The following AJAP1 variants were observed in gnomAD, a reference collection of about 807,000 sequenced individuals.
The protein encoded by AJAP1 is adherens junctions associated protein 1.
A neutral mutation model predicts 35.0 loss-of-function variants in AJAP1; 5 were observed. The ratio of observed to expected loss-of-function variants is 0.14; its 90% confidence interval spans 0.07 to 0.30. The LOEUF (loss-of-function observed/expected upper bound fraction) is 0.30. Ranked by LOEUF, AJAP1 falls within the 10% of genes least tolerant of loss-of-function variation. AJAP1 has a pLI of 1.00. For missense variants in AJAP1, 586 were observed against 571.0 expected (o/e 1.03, Z -0.27); for synonymous variants, 284 against 249.3 (o/e 1.14, Z -1.31).
chr1:4,754,509 C>T (rs1228236251), intron 2 of AJAP1, among the ~76,000 whole-genome samples: 1 of 152,166 alleles, frequency 6.6e-6, no homozygotes, highest in African/African-American at 2.4e-5. Flanking sequence ...CTTGACAGTC[C>T]CAATCTCCAT....
At chr1:4,667,707 A>G (rs2100512236) in intron 1 of AJAP1, among the ~76,000 whole-genome samples, 2 of 152,272 alleles carry the variant, frequency 1.3e-5, no homozygotes, top group East Asian at 3.9e-4. Flanking sequence ...GTACTGGTTC[A>G]TGGCCCAGGG....
rs563773005 is a variant in AJAP1 at position 4,736,692 on chromosome 1, T to G, written c.829+23993T>G. On this transcript the variant is annotated intron_variant, in intron 2 of 5. Transcript: ENST00000378191. ...CACACGGCAGAGCAATTTGCACACG[T>G]AGGGAGTTCAATATGTATTTATTGA... 2.0e-5 allele frequency among the ~76,000 whole-genome samples: 3 copies of G among 152,302 alleles called. No individual in the cohort carries two copies. In the South Asian group the frequency reaches 6.2e-4, roughly 32 times the overall value.
At chr1:4,774,003 A>G (rs1302867408) in intron 4 of AJAP1, among the ~76,000 whole-genome samples, 1 of 152,214 alleles carries the variant, frequency 6.6e-6, no homozygotes, top group African/African-American at 2.4e-5. Context: ...CTTAGTCTCA[A>G]AGGTGACAAA....
intron 1 of AJAP1, among the ~76,000 whole-genome samples, chr1:4,700,191 G>A (rs1639954528): frequency 6.6e-6 from 1 of 152,140 alleles, no homozygotes; most frequent in South Asian, 2.1e-4. Flanking sequence ...CCTCATCACC[G>A]GGCCAGCCTG....
At chr1:4,675,546 A>G (rs1219972230) in intron 1 of AJAP1, among the ~76,000 whole-genome samples, 1 of 152,180 alleles carries the variant, frequency 6.6e-6, no homozygotes, top group Non-Finnish European at 1.5e-5. Flanking sequence ...GGCCTACCTC[A>G]GTGTCCTGCC....
chr1:4,660,408 A>ATATCC (rs1340526762), intron 1 of AJAP1, among the ~76,000 whole-genome samples: 1 of 151,932 alleles, frequency 6.6e-6, no homozygotes, highest in Non-Finnish European at 1.5e-5. Flanking sequence ...TATCTTGACT[A>ATATCC]TATCCGTGTC....
chr1:4,673,869 G>T (rs915133070), intron 1 of AJAP1, among the ~76,000 whole-genome samples: 11 of 151,840 alleles, frequency 7.2e-5, no homozygotes, highest in Non-Finnish European at 1.6e-4. Flanking sequence ...CCTGAGCCAG[G>T]AGCGAGAAGT....
chr1:4,725,037 C>G (rs1420485004), intron 2 of AJAP1, among the ~76,000 whole-genome samples: 5 of 152,210 alleles, frequency 3.3e-5, no homozygotes, highest in Non-Finnish European at 7.3e-5. Context: ...ACTGCCCACG[C>G]TTGTGCCCAG....
At chr1:4,658,848 A>G (rs1362024864) in intron 1 of AJAP1, among the ~76,000 whole-genome samples, 1 of 152,174 alleles carries the variant, frequency 6.6e-6, no homozygotes, top group Non-Finnish European at 1.5e-5. Flanking sequence ...TGCCGGGGAC[A>G]GCTGTCTCTG....
At chr1:4,731,612 G>A (rs1467629299) in intron 2 of AJAP1, among the ~76,000 whole-genome samples, 1 of 152,198 alleles carries the variant, frequency 6.6e-6, no homozygotes, top group Admixed American at 6.5e-5. Flanking sequence ...GGAGAAGCAG[G>A]TGGTTTAGGG....
chr1:4,655,413 C>G lies in AJAP1; in HGVS notation c.-13C>G. 6.4e-7 allele frequency: 1 copy of G among 1,562,716 alleles called. No homozygotes were observed. Among genetic ancestry groups the G allele is most frequent in the Non-Finnish European group, 8.7e-7 (1 of 1,154,836 alleles). ...CGAGCCAGGTCTGAGGCCCCGCTCC[C>G]CGAAACGTGACCATGTGGATTCAAC... On this transcript the variant is annotated 5_prime_UTR_variant, in exon 1 of 6. Coordinates refer to ENST00000378191, the MANE Select transcript of AJAP1 (RefSeq NM_018836.4). This position sits in a 1 kb window ranked among gnomAD's most constrained non-coding sequence, Gnocchi z 6.9.
chr1:4,762,177 G>T (rs1233204668), intron 2 of AJAP1, among the ~76,000 whole-genome samples: 1 of 152,194 alleles, frequency 6.6e-6, no homozygotes, highest in East Asian at 1.9e-4. Context: ...GCAGTGAGGG[G>T]CTGAAGCCTG....
At chr1:4,708,269 C>A (rs535419772) in intron 1 of AJAP1, among the ~76,000 whole-genome samples, 2 of 152,012 alleles carry the variant, frequency 1.3e-5, no homozygotes, top group African/African-American at 4.8e-5. Flanking sequence ...TCTGGCCGGG[C>A]GGTATGTTCT....
At position 4,748,807 on chromosome 1, in the gene AJAP1, A is replaced by G. The variant is rs573014182; in HGVS notation, c.830-21046A>G. 3.8e-4 allele frequency among the ~76,000 whole-genome samples: 57 copies of G among 151,272 alleles called. 1 individual carries two copies. The South Asian group carries it at 6.1e-3, about 16-fold the overall frequency. On this transcript the variant is annotated intron_variant, in intron 2 of 5. Coordinates refer to ENST00000378191, the MANE Select transcript of AJAP1 (RefSeq NM_018836.4). ...ACCAGGGCTCTTACAAAAGAGGATG[A>G]CAGGGCACCCTGGAGTCTTTTTGCC...
At chr1:4,717,126 C>T (rs529949333) in intron 2 of AJAP1, among the ~76,000 whole-genome samples, 1 of 152,312 alleles carries the variant, frequency 6.6e-6, no homozygotes, top group African/African-American at 2.4e-5. Context: ...ATCACAGAGT[C>T]TCCTGGGAGA....
chr1:4,707,446 GC>G lies in AJAP1; in HGVS notation c.30-4453del, dbSNP rs1640124634. On this transcript the variant is annotated intron_variant, in intron 1 of 5. Coordinates refer to ENST00000378191, the MANE Select transcript of AJAP1 (RefSeq NM_018836.4). ...CCCCTTCCCCAAGCCTTGGGCAATTGCTCATCTTTCTGTCTCTGTGGATTTG... is the reference window on the plus strand; with the variant it reads ...CCCCTTCCCCAAGCCTTGGGCAATTGTCATCTTTCTGTCTCTGTGGATTTG... Among the ~76,000 whole-genome samples the G allele has an allele frequency of 2.6e-5, 4 of 151,932 alleles. 1 individual carries two copies. In the South Asian group the frequency reaches 8.4e-4, roughly 32 times the overall value.
At chr1:4,662,023 G>T (rs1217297675) in intron 1 of AJAP1, among the ~76,000 whole-genome samples, 4 of 151,616 alleles carry the variant, frequency 2.6e-5, no homozygotes, top group African/African-American at 9.7e-5. Flanking sequence ...AGAAGTCTGA[G>T]TAAAAGGAAT....
intron 1 of AJAP1, chr1:4,711,184 GAAGT>G (rs1640224094): frequency 6.6e-6 from 1 of 152,304 alleles, no homozygotes; most frequent in Admixed American, 6.6e-5. Flanking sequence ...GAGGAGGCCA[GAAGT>G]AAGAAGCCTT....
At chr1:4,678,156 G>T (rs1436675619) in intron 1 of AJAP1, among the ~76,000 whole-genome samples, 1 of 152,188 alleles carries the variant, frequency 6.6e-6, no homozygotes, top group African/African-American at 2.4e-5. Flanking sequence ...CTTTCCTGTG[G>T]CCTGAAATTC....
Sources: allele counts gnomAD v4.1 joint callset (sites outside exome capture counted in the v4.1 genomes callset), GRCh38; gene constraint gnomAD v4.1.1; non-coding constraint Gnocchi (gnomAD v3.1); transcripts MANE v1.5; gene names NCBI Gene and HGNC (gene_info 2026-07-23, HGNC 2026-07-21).